The following TAMM41 variants were observed in gnomAD, a reference collection of about 807,000 sequenced individuals.
TAMM41 encodes the protein TAM41 mitochondrial translocator assembly and maintenance homolog.
TAMM41 carries 36 observed loss-of-function variants against 44.1 expected under a neutral mutation model. That is an observed-to-expected ratio of 0.82 (90% confidence interval 0.63 to 1.08). TAMM41 has a LOEUF of 1.08. Ranked by LOEUF, TAMM41 falls within the 50% of genes least tolerant of loss-of-function variation. The pLI, the probability that TAMM41 is intolerant of heterozygous loss-of-function variation, is 0.00. For synonymous variants in TAMM41, 164 were observed against 153.1 expected (o/e 1.07, Z -0.53); for missense variants, 417 against 404.3 (o/e 1.03, Z -0.27).
At chr3:11,799,407 C>T (rs374242105) in intron 7 of TAMM41, among the ~76,000 whole-genome samples, 13 of 152,158 alleles carry the variant, frequency 8.5e-5, no homozygotes, top group Non-Finnish European at 1.8e-4. Context: ...CTAGTCTCTG[C>T]GGCTCACAAA....
intron 7 of TAMM41, among the ~76,000 whole-genome samples, chr3:11,799,732 GA>G (rs769537943): frequency 1.3e-5 from 2 of 152,138 alleles, no homozygotes; most frequent in Non-Finnish European, 1.5e-5. Flanking sequence ...CCAGATACAA[GA>G]GACCCAATGA....
chr3:11,736,113 C>T, the TAMM41 span, among the ~76,000 whole-genome samples: 4 of 152,258 alleles, frequency 2.6e-5, no homozygotes, highest in South Asian at 8.3e-4. Context: ...TCAGGAACTT[C>T]CTGTGTAGTT....
At chr3:11,777,273 T>C in the TAMM41 span, among the ~76,000 whole-genome samples, 1 of 152,152 alleles carries the variant, frequency 6.6e-6, no homozygotes, top group Non-Finnish European at 1.5e-5. Flanking sequence ...CAACTATACT[T>C]CAATAAAGCC....
chr3:11,750,815 C>T, the TAMM41 span, among the ~76,000 whole-genome samples: 1 of 152,152 alleles, frequency 6.6e-6, no homozygotes, highest in Non-Finnish European at 1.5e-5. Flanking sequence ...CTTTTTCATT[C>T]ATAAGGAGAC....
chr3:11,798,178 A>T (rs767489086), intron 7 of TAMM41, among the ~76,000 whole-genome samples: 101 of 152,340 alleles, frequency 6.6e-4, no homozygotes, highest in Non-Finnish European at 1.3e-3. Flanking sequence ...AATTCATTAT[A>T]TCACAAGGAC....
the TAMM41 span, among the ~76,000 whole-genome samples, chr3:11,726,800 CAAAAA>C: frequency 7.5e-5 from 7 of 93,092 alleles, no homozygotes; most frequent in African/African-American, 1.1e-4. Flanking sequence ...GACTCTGTCT[CAAAAA>C]AAAAAAAAAA....
At chr3:11,760,935 G>T in the TAMM41 span, among the ~76,000 whole-genome samples, 2 of 151,976 alleles carry the variant, frequency 1.3e-5, no homozygotes, top group East Asian at 3.9e-4. Context: ...GGGAGGCCGA[G>T]GTGGGCAGAT....
intron 5 of TAMM41, among the ~76,000 whole-genome samples, chr3:11,815,823 G>A (rs2078255515): frequency 6.6e-6 from 1 of 152,156 alleles, no homozygotes; most frequent in Non-Finnish European, 1.5e-5. Context: ...TTAGAACATG[G>A]AGGTGAATAT....
In TAMM41 at chr3:11,813,878, A is replaced by G. The variant is rs1224184521; in HGVS notation, c.708+3314T>C. On this transcript the variant is annotated intron_variant, in intron 5 of 7. Coordinates refer to ENST00000455809, the MANE Select transcript of TAMM41 (RefSeq NM_001284401.2). Reference sequence around the variant, plus strand: ...TGTGTATGTATGTATATATATGTATATATGTATATATGTGTATATATGTAT... The same window carrying G: ...TGTGTATGTATGTATATATATGTATGTATGTATATATGTGTATATATGTAT... Among the ~76,000 whole-genome samples, 527 of 145,322 alleles carry G rather than the reference A, an allele frequency of 3.6e-3. 1 individual carries two copies. The highest frequency in any genetic ancestry group is 0.012 in the African/African-American group (458 of 37,510).
chr3:11,767,997 T>A, the TAMM41 span, among the ~76,000 whole-genome samples: 1 of 151,076 alleles, frequency 6.6e-6, no homozygotes, highest in Non-Finnish European at 1.5e-5. Flanking sequence ...AGACACCACT[T>A]CACACCTGTG....
rs182532972 is a variant in TAMM41, at chr3:11,835,093, T to C, written c.411+4129A>G. Among the ~76,000 whole-genome samples, 3 of 152,336 alleles carry C rather than the reference T, an allele frequency of 2.0e-5. No individual in the cohort carries two copies. The East Asian group carries it at 5.8e-4, about 29-fold the overall frequency. On this transcript the variant is annotated intron_variant, in intron 3 of 7. Transcript: ENST00000455809. ...TTTAGACAATGTAATTTAATGTGAT[T>C]CCTTTTAAAACACAAAGATAAAGAA... is the stretch of plus-strand genomic sequence containing the variant.
rs1037484187 is a variant in TAMM41 at position 11,817,396 on chromosome 3, G to A, written c.563-59C>T. ...TTAAGAATCCACACTCTCGACCTATGAACGACGCTCCCCACACTGATACCG... is the reference window on the plus strand; with the variant it reads ...TTAAGAATCCACACTCTCGACCTATAAACGACGCTCCCCACACTGATACCG... On this transcript the variant is annotated intron_variant, in intron 4 of 7. Coordinates refer to ENST00000455809, the MANE Select transcript of TAMM41 (RefSeq NM_001284401.2). The A allele has an allele frequency of 7.8e-6, 12 of 1,545,636 alleles. No individual in the cohort carries two copies. The African/African-American group carries it at 1.1e-4, about 14-fold the overall frequency.
At chr3:11,785,325 TTTTTG>T in the TAMM41 span, among the ~76,000 whole-genome samples, 6 of 151,956 alleles carry the variant, frequency 3.9e-5, no homozygotes, top group East Asian at 9.7e-4. Flanking sequence ...CTGGTTTTTG[TTTTTG>T]TTTTGTTTTG....
intron 4 of TAMM41, among the ~76,000 whole-genome samples, chr3:11,820,095 T>C (rs2078452931): frequency 6.6e-6 from 1 of 152,240 alleles, no homozygotes; most frequent in East Asian, 1.9e-4. Flanking sequence ...TAAAACACAT[T>C]TATGGGATAC....
chr3:11,807,607 G>T, intron 7 of TAMM41: 1 of 1,536,150 alleles, frequency 6.5e-7, no homozygotes. Context: ...AAATTCAGAA[G>T]GGCAGTAAAG....
intron 7 of TAMM41, among the ~76,000 whole-genome samples, chr3:11,801,900 C>CA (rs931117499): frequency 2.0e-5 from 3 of 151,760 alleles, no homozygotes; most frequent in African/African-American, 7.3e-5. Context: ...AAATGGAGAC[C>CA]AAAAAACAAT....
At chr3:11,816,118 A>T (rs1455020477) in intron 5 of TAMM41, among the ~76,000 whole-genome samples, 2 of 152,050 alleles carry the variant, frequency 1.3e-5, no homozygotes, top group Non-Finnish European at 2.9e-5. Context: ...AGCTCTAGAA[A>T]TTCCATTAAT....
chr3:11,829,595 A>G (rs2078897897), intron 4 of TAMM41, 119 bp downstream of exon 4: 3 of 1,194,114 alleles, frequency 2.5e-6, no homozygotes, highest in African/African-American at 3.0e-5. Context: ...ACCACTCAAG[A>G]GTGACGTGAT....
chr3:11,818,498 T>C lies in TAMM41; in HGVS notation c.563-1161A>G, dbSNP rs2078375270. ...AAAAATACAAGGAAGACCAACAATA[T>C]GTACTTCATTGAGTAAGGAATAAAA... is the stretch of plus-strand genomic sequence containing the variant. On this transcript the variant is annotated intron_variant, in intron 4 of 7. Coordinates refer to ENST00000455809, the MANE Select transcript of TAMM41 (RefSeq NM_001284401.2). Among the ~76,000 whole-genome samples, 3 of 152,202 alleles carry C rather than the reference T, an allele frequency of 2.0e-5. No homozygotes were observed. In the South Asian group the frequency reaches 6.2e-4, roughly 32 times the overall value.
Sources: allele counts gnomAD v4.1 joint callset (sites outside exome capture counted in the v4.1 genomes callset), GRCh38; gene constraint gnomAD v4.1.1; transcripts MANE v1.5; gene names NCBI Gene and HGNC (gene_info 2026-07-23, HGNC 2026-07-21).